The following LPCAT1 variants were observed in gnomAD, a reference collection of about 807,000 sequenced individuals.
LPCAT1 encodes lysophosphatidylcholine acyltransferase 1.
A neutral mutation model predicts 60.9 loss-of-function variants in LPCAT1; 23 were observed. The observed-to-expected ratio is 0.38, with a 90% CI of 0.27 to 0.53. LPCAT1 has a LOEUF of 0.53. LPCAT1 is among the 20% of genes least tolerant of loss of function. LPCAT1 has a pLI of 0.82. For synonymous variants in LPCAT1, 340 were observed against 301.1 expected, an observed-to-expected ratio of 1.13 and a Z score of -1.34; for missense variants, 622 against 723.6, an observed-to-expected ratio of 0.86 and a Z score of 1.61.
intron 4 of LPCAT1, among the ~76,000 whole-genome samples, chr5:1,489,537 G>C (rs1302469692): frequency 6.6e-6 from 1 of 152,242 alleles, no homozygotes. Context: ...AGATGCATTT[G>C]AGAATTGTTT....
At chr5:1,486,889 G>A (rs987679388) in intron 5 of LPCAT1, among the ~76,000 whole-genome samples, 1 of 152,210 alleles carries the variant, frequency 6.6e-6, no homozygotes, top group Non-Finnish European at 1.5e-5. Flanking sequence ...CCCAGACCCC[G>A]TGGAACCCAC....
chr5:1,464,771 T>C (rs1311926860), intron 13 of LPCAT1, among the ~76,000 whole-genome samples: 1 of 67,282 alleles, frequency 1.5e-5, no homozygotes, highest in Admixed American at 1.9e-4. Flanking sequence ...ACACACACGG[T>C]AACCAAACAC....
At position 1,480,143 on chromosome 5, in the gene LPCAT1, T is replaced by C. The variant is rs576281257; in HGVS notation, c.762-468A>G. 1.6e-3 allele frequency among the ~76,000 whole-genome samples: 236 copies of C among 151,482 alleles called. 3 individuals are homozygous for C. The South Asian group carries it at 0.03, about 19-fold the overall frequency. On this transcript the variant is annotated intron_variant, in intron 7 of 13. Transcript: ENST00000283415. The surrounding 1 kb of genome is among the most constrained non-coding windows in gnomAD (Gnocchi z 6.4). ...CTGCTCCCAGGGCCACACTCACGCC[T>C]CCGACAGCCCAGTGCCCCAACCCTC...
intron 11 of LPCAT1, among the ~76,000 whole-genome samples, chr5:1,471,352 G>C (rs768206673): frequency 1.1e-4 from 17 of 152,228 alleles, no homozygotes; most frequent in Non-Finnish European, 2.2e-4. Flanking sequence ...CAGCAGCCCG[G>C]GCCAGCTGTG....
chr5:1,501,564 G>C lies in LPCAT1; in HGVS notation c.175C>G (p.Leu59Val), dbSNP rs747598435. 2.5e-6 allele frequency: 4 copies of C among 1,613,964 alleles called. No individual in the cohort carries two copies. In the East Asian group the frequency reaches 8.9e-5, roughly 36 times the overall value. Reference sequence around the variant, plus strand: ...AGCAGCATCATGGCAGCGGCAACCAGGAGCCGGACCGGGAAGAGCGTCAGT... The same window carrying C: ...AGCAGCATCATGGCAGCGGCAACCACGAGCCGGACCGGGAAGAGCGTCAGT... ...MTLTLFPVRL[L>V]VAAAMMLLAW... The change falls in exon 2 of 14, where the codon CTG becomes GTG. Residue 59 changes from leucine to valine, a missense_variant. Leu to Val is a conservative substitution (Grantham distance 32). This residue lies in a region of LPCAT1 where 125 missense variants were observed against 114.5 expected (regional missense o/e 1.09). Transcript: ENST00000283415.
rs150135329 is a variant in LPCAT1, at chr5:1,474,032, A to G, written c.1104T>C (p.Gly368=). The change falls in exon 11 of 14, where the codon GGT becomes GGC. Residue 368 remains glycine, a synonymous_variant. Coordinates refer to ENST00000283415, the MANE Select transcript of LPCAT1 (RefSeq NM_024830.5). The part of the protein sequence containing the change: ...RARMKGGEKI[G]IAEFAASLEV... The stretch of plus-strand genomic sequence containing the variant: ...CCAGGGAGGCGGCAAACTCCGCAAT[A>G]CCTATCTTCTCTCCTCCCTTCATCC... The G allele has an allele frequency of 3.1e-4, 504 of 1,614,128 alleles. 1 individual carries two copies. The African/African-American group carries it at 6.2e-3, about 20-fold the overall frequency.
chr5:1,523,008 T>C lies in LPCAT1; in HGVS notation c.135+702A>G, dbSNP rs1202180076. 3.3e-5 allele frequency among the ~76,000 whole-genome samples: 5 copies of C among 152,086 alleles called. No homozygotes were observed. The highest frequency in any genetic ancestry group is 1.3e-4 in the Admixed American group (2 of 15,284). ...GTTCCCTCCCACGTGGCAGCCCAGGTTGCATAAAGTTGATTCGGGTCAGAC... is the reference window on the plus strand; with the variant it reads ...GTTCCCTCCCACGTGGCAGCCCAGGCTGCATAAAGTTGATTCGGGTCAGAC... On this transcript the variant is annotated intron_variant, in intron 1 of 13. Coordinates refer to ENST00000283415, the MANE Select transcript of LPCAT1 (RefSeq NM_024830.5). This position sits in a 1 kb window ranked among gnomAD's most constrained non-coding sequence, Gnocchi z 7.1.
rs764231955 is a variant in LPCAT1, at chr5:1,501,511, G to A, written c.228C>T (p.Ser76=). Residue 76 remains serine, a synonymous_variant, in exon 2 of 14, where the codon TCC becomes TCT. Coordinates refer to ENST00000283415, the MANE Select transcript of LPCAT1 (RefSeq NM_024830.5). ...LLAWPLALVA[S]LGSAEKEPEQ... is the part of the protein sequence containing the mutation. Reference sequence around the variant, plus strand: ...CGGGTTCCTTCTCCGCAGAGCCCAGGGATGCGACAAGTGCGAGGGGCCAGG... The same window carrying A: ...CGGGTTCCTTCTCCGCAGAGCCCAGAGATGCGACAAGTGCGAGGGGCCAGG... The A allele has an allele frequency of 3.1e-6, 5 of 1,613,886 alleles. No homozygotes were observed.
rs1452024570 is a variant in LPCAT1, at chr5:1,521,681, G to GC, written c.135+2028dup. ...AACCTCTGAAGTGGCAACAAAGCAA[G>GC]CCCCCTCTCTGAGAGGCCCCAACAC... On this transcript the variant is annotated intron_variant, in intron 1 of 13. Transcript: ENST00000283415. This position sits in a 1 kb window ranked among gnomAD's most constrained non-coding sequence, Gnocchi z 4.3. Among the ~76,000 whole-genome samples the GC allele has an allele frequency of 2.6e-5, 4 of 152,156 alleles. No homozygotes were observed. The highest frequency in any genetic ancestry group is 9.7e-5 in the African/African-American group (4 of 41,440).
rs563930512 is a variant in LPCAT1, at chr5:1,489,527, A to C, written c.606+219T>G. On this transcript the variant is annotated intron_variant, in intron 4 of 13. Coordinates refer to ENST00000283415, the MANE Select transcript of LPCAT1 (RefSeq NM_024830.5). The stretch of plus-strand genomic sequence containing the variant: ...TCAGAAAAGATGATTCAGGAAGCTG[A>C]GATGCATTTGAGAATTGTTTTTCTT... Among the ~76,000 whole-genome samples, 5 of 152,366 alleles carry C rather than the reference A, an allele frequency of 3.3e-5. No individual in the cohort carries two copies. The South Asian group carries it at 6.2e-4, about 19-fold the overall frequency.
intron 1 of LPCAT1, 73 bp from the exon 2 acceptor site, chr5:1,501,676 AGCCCAGGGGGACAGC>A: frequency 6.8e-7 from 1 of 1,479,776 alleles, no homozygotes; most frequent in Non-Finnish European, 9.4e-7. Flanking sequence ...GGCAGAGGCT[AGCCCAGGGGGACAGC>A]GCGCCCCACA....
chr5:1,473,264 C>A (rs1444573514), intron 11 of LPCAT1, among the ~76,000 whole-genome samples: 1 of 152,214 alleles, frequency 6.6e-6, no homozygotes, highest in East Asian at 1.9e-4. Flanking sequence ...CTACACACAC[C>A]CTGGCGTATC....
intron 10 of LPCAT1, 73 bp downstream of exon 10, chr5:1,474,487 C>G (rs1734815834): frequency 6.4e-7 from 1 of 1,566,968 alleles, no homozygotes; most frequent in African/African-American, 1.4e-5. Context: ...CCCTGCAACC[C>G]CAGGCAGCCC....
Position 1,481,508 on chromosome 5 carries a change from G to A in LPCAT1, c.727-532C>T, listed in dbSNP as rs756819476. Among the ~76,000 whole-genome samples, 3 of 152,268 alleles carry A rather than the reference G, an allele frequency of 2.0e-5. No homozygotes were observed. Among genetic ancestry groups the A allele is most frequent in the East Asian group, 1.9e-4 (1 of 5,198 alleles). Reference sequence around the variant, plus strand: ...TCTTCAGCCTCAGTGCCGCCGGGCAGGGACCACACAGCAGGGGCCGTGACG... The same window carrying A: ...TCTTCAGCCTCAGTGCCGCCGGGCAAGGACCACACAGCAGGGGCCGTGACG... On this transcript the variant is annotated intron_variant, in intron 6 of 13. Coordinates refer to ENST00000283415, the MANE Select transcript of LPCAT1 (RefSeq NM_024830.5). The surrounding 1 kb of genome is among the most constrained non-coding windows in gnomAD (Gnocchi z 7.8).
intron 1 of LPCAT1, among the ~76,000 whole-genome samples, chr5:1,510,269 G>T (rs530465969): frequency 1.3e-5 from 2 of 152,016 alleles, no homozygotes; most frequent in East Asian, 3.9e-4. Flanking sequence ...TTTCTTCTTC[G>T]CTCTCCCACT....
chr5:1,484,535 C>T (rs1579779333), intron 5 of LPCAT1, among the ~76,000 whole-genome samples: 2 of 152,318 alleles, frequency 1.3e-5, no homozygotes, highest in South Asian at 2.1e-4. Context: ...AGGCTGCCAG[C>T]GAGTGCCACT....
At chr5:1,488,229 C>A in intron 5 of LPCAT1, 162 bp downstream of exon 5, 1 of 540,686 alleles carries the variant, frequency 1.8e-6, no homozygotes, top group Non-Finnish European at 3.2e-6. Flanking sequence ...CTCACATTCT[C>A]AAATTTATTT....
chr5:1,474,802 CAG>C (rs1485528217), intron 9 of LPCAT1, 117 bp from the exon 10 acceptor site: 91 of 1,353,308 alleles, frequency 6.7e-5, no homozygotes, highest in South Asian at 1.8e-4. Context: ...GGCAGTGAGA[CAG>C]GGGAAGGGCC....
chr5:1,467,158 T>G, intron 12 of LPCAT1: 2 of 364,398 alleles, frequency 5.5e-6, no homozygotes, highest in Admixed American at 4.7e-5. Flanking sequence ...CCACCCGTGA[T>G]AGCTCAGCAA....
Sources: allele counts gnomAD v4.1 joint callset (sites outside exome capture counted in the v4.1 genomes callset), GRCh38; gene constraint gnomAD v4.1.1; regional missense constraint gnomAD v4.1.1; non-coding constraint Gnocchi (gnomAD v3.1); transcripts MANE v1.5; gene names NCBI Gene and HGNC (gene_info 2026-07-23, HGNC 2026-07-21).